MROH2B: variants seen among roughly 807,000 people sequenced by gnomAD.
MROH2B encodes the protein maestro heat-like repeat-containing protein family member 2B.
In MROH2B, 177 loss-of-function variants were observed where a neutral mutation model predicts 208.6. That is an observed-to-expected ratio of 0.85 (90% CI 0.75 to 0.96). MROH2B has a LOEUF of 0.96. Among genes scored for constraint, MROH2B ranks in the 40% least tolerant of loss-of-function variants. The probability of loss-of-function intolerance (pLI) is 0.00; values close to 1 mark genes in which losing one functional copy is unlikely to be tolerated. For synonymous variants in MROH2B, 728 were observed against 659.0 expected, an observed-to-expected ratio of 1.10 and a Z score of -1.60; for missense variants, 2,002 against 1,878.7, an observed-to-expected ratio of 1.07 and a Z score of -1.21.
At chr5:41,032,937 G>GT in intron 23 of MROH2B, 104 bp downstream of exon 23, 1 of 1,558,816 alleles carries the variant, frequency 6.4e-7, no homozygotes, top group Non-Finnish European at 8.7e-7. Flanking sequence ...GCAGAGATCT[G>GT]TTATGTGGGA....
chr5:41,047,730 C>G lies in MROH2B; in HGVS notation c.1719G>C (p.Met573Ile). 2 of 1,595,068 alleles carry G rather than the reference C, an allele frequency of 1.3e-6. No individual in the cohort carries two copies. Among genetic ancestry groups the G allele is most frequent in the Non-Finnish European group, 1.7e-6 (2 of 1,169,910 alleles). Residue 573 changes from methionine to isoleucine, a missense_variant, in exon 17 of 42, where the codon ATG becomes ATC. Physicochemically the swap from Met to Ile is conservative, Grantham distance 10. Coordinates refer to ENST00000399564, the MANE Select transcript of MROH2B (RefSeq NM_173489.5). The part of the protein sequence containing the change: ...KNISTVLWET[M>I]LLQLLKESLW... ...TAGAAGCCAGCCTTACCTGAAGCAG[C>G]ATGGTTTCCCATAGAACGGTACTGA...
In MROH2B at chr5:41,048,198, C is replaced by T. The variant is rs1036249655; in HGVS notation, c.1684+126G>A. On this transcript the variant is annotated intron_variant, in intron 16 of 41. Transcript: ENST00000399564. ...TAAGAAGAAAAAAATAGCTATCTACCTTGCATATCAAGTTCATCATTTTTA... is the reference window on the plus strand; with the variant it reads ...TAAGAAGAAAAAAATAGCTATCTACTTTGCATATCAAGTTCATCATTTTTA... 6.0e-6 allele frequency: 7 copies of T among 1,176,084 alleles called. No individual in the cohort carries two copies. In the African/African-American group the frequency reaches 1.1e-4, roughly 18 times the overall value. 72.9% of individuals were successfully genotyped at this position (1,176,084 alleles called of 1,614,324 possible). A position where few individuals can be genotyped will look rare whatever the true frequency, so the allele number is the denominator to read the frequency against.
intron 10 of MROH2B, among the ~76,000 whole-genome samples, chr5:41,055,118 A>AT (rs1743405892): frequency 6.6e-6 from 1 of 152,204 alleles, no homozygotes; most frequent in Non-Finnish European, 1.5e-5. Flanking sequence ...AGATCTAAAT[A>AT]TTGTGAGACT....
rs775719108 is a variant in MROH2B at position 41,061,666 on chromosome 5, G to A, written c.519C>T (p.Pro173=). ...YKYVNHWRDF[P]YPRLDANRLS... is the part of the protein sequence containing the mutation. ...GTCGGTTGGCATCCAGTCTGGGGTA[G>A]GGAAAATCTCTCCAGTGGTTGACAT... Residue 173 remains proline (P), a synonymous_variant, in exon 6 of 42, where the codon CCC becomes CCT. Transcript: ENST00000399564. The A allele has an allele frequency of 6.2e-7, 1 of 1,613,932 alleles. No individual in the cohort carries two copies. The highest frequency in any genetic ancestry group is 1.6e-4 in the Middle Eastern group (1 of 6,062).
At chr5:41,021,240 C>A (rs1262190272) in intron 24 of MROH2B, among the ~76,000 whole-genome samples, 1 of 152,010 alleles carries the variant, frequency 6.6e-6, no homozygotes, top group East Asian at 1.9e-4. Context: ...ATAAACTTAA[C>A]CAAGTGAAAC....
intron 29 of MROH2B, among the ~76,000 whole-genome samples, chr5:41,014,547 T>A (rs946046901): frequency 6.6e-6 from 1 of 152,118 alleles, no homozygotes; most frequent in Non-Finnish European, 1.5e-5. Flanking sequence ...GCAACAAACC[T>A]GCACGTTGTA....
At position 41,045,831 on chromosome 5, in the gene MROH2B, T is replaced by C; in HGVS notation, c.1751A>G (p.Lys584Arg). Reference sequence around the variant, plus strand: ...AATGGTCCAGGCCACATCACTGATCTTCCATAAGGATTCTTTGAGCAACTG... The same window carrying C: ...AATGGTCCAGGCCACATCACTGATCCTCCATAAGGATTCTTTGAGCAACTG... ...LLQLLKESLW[K>R]ISDVAWTIQL... The change falls in exon 18 of 42, where the codon AAG (lysine) becomes AGG (arginine). Residue 584 changes from lysine to arginine, a missense_variant. By Grantham distance (26) the Lys-to-Arg change is conservative. Transcript: ENST00000399564. 6.2e-7 allele frequency: 1 copy of C among 1,612,350 alleles called. No homozygotes were observed. The highest frequency in any genetic ancestry group is 8.5e-7 in the Non-Finnish European group (1 of 1,178,756).
chr5:41,007,921 C>A (rs912772184), intron 33 of MROH2B, among the ~76,000 whole-genome samples: 6 of 152,166 alleles, frequency 3.9e-5, no homozygotes, highest in African/African-American at 1.4e-4. Context: ...ATTATTGGAA[C>A]TATTACTTTT....
Position 41,005,306 on chromosome 5 carries a change from C to T in MROH2B, c.3864+225G>A, listed in dbSNP as rs113571722. 756 of 541,722 alleles carry T rather than the reference C, an allele frequency of 1.4e-3. 5 individuals carry two copies. The highest frequency in any genetic ancestry group is 7.0e-3 in the African/African-American group (371 of 53,260). 33.6% of individuals were successfully genotyped at this position (541,722 alleles called of 1,614,324 possible). On this transcript the variant is annotated intron_variant, in intron 35 of 41. Transcript: ENST00000399564. ...CAGATTTATTGTCCCCCTTTCTCTG[C>T]CTTCTGCAAACTAGAGGGCAGGAGG...
intron 17 of MROH2B, 133 bp from the exon 18 acceptor site, chr5:41,045,986 T>G (rs1401862887): frequency 2.1e-6 from 1 of 474,588 alleles, no homozygotes; most frequent in Non-Finnish European, 3.5e-6. Context: ...ATAAAATAAC[T>G]AATTCCTTCG....
Position 41,009,288 on chromosome 5 carries a change from C to T in MROH2B, c.3412G>A (p.Ala1138Thr). 6.2e-7 allele frequency: 1 copy of T among 1,613,842 alleles called. No individual in the cohort carries two copies. Among genetic ancestry groups the T allele is most frequent in the Non-Finnish European group, 8.5e-7 (1 of 1,179,794 alleles). The change falls in exon 32 of 42, where the codon GCA becomes ACA. Residue 1138 changes from alanine (A) to threonine (T), a missense_variant. Transcript: ENST00000399564. ...ELEDDIARVEAISVACAMYEV... is the reference protein window; with the variant it reads ...ELEDDIARVETISVACAMYEV... Reference sequence around the variant, plus strand: ...CAGGCTGTCCAACTCACTGAAATTGCCTCAACCCTGGCGATGTCATCTTCT... The same window carrying T: ...CAGGCTGTCCAACTCACTGAAATTGTCTCAACCCTGGCGATGTCATCTTCT...
Position 41,057,262 on chromosome 5 carries a change from T to A in MROH2B, c.849+6A>T. 6.2e-7 allele frequency: 1 copy of A among 1,605,022 alleles called. No homozygotes were observed. The highest frequency in any genetic ancestry group is 1.1e-5 in the South Asian group (1 of 89,572). On this transcript the variant is annotated splice_donor_region_variant and intron_variant, in intron 8 of 41. Transcript: ENST00000399564. ...AAAATTGGAGTTGACAGCATGGTCTTCTTACCTGCTGGAGTAAATTGATAA... is the reference window on the plus strand; with the variant it reads ...AAAATTGGAGTTGACAGCATGGTCTACTTACCTGCTGGAGTAAATTGATAA...
chr5:41,046,976 G>A (rs1412671071), intron 17 of MROH2B, among the ~76,000 whole-genome samples: 1 of 152,184 alleles, frequency 6.6e-6, no homozygotes, highest in African/African-American at 2.4e-5. Context: ...GAATCTGGAA[G>A]GGAGATAGGA....
intron 29 of MROH2B, among the ~76,000 whole-genome samples, 180 bp downstream of exon 29, chr5:41,015,201 C>G (rs1450659): frequency 0.082 from 12,425 of 152,264 alleles, 705 homozygotes; most frequent in Middle Eastern, 0.14. Flanking sequence ...TTCCCACTAT[C>G]TGAAATGATC....
intron 21 of MROH2B, among the ~76,000 whole-genome samples, chr5:41,036,783 A>T (rs1742773668): frequency 6.6e-6 from 1 of 152,130 alleles, no homozygotes; most frequent in African/African-American, 2.4e-5. Flanking sequence ...CCTGTATCTA[A>T]AAGTTGAAAA....
intron 35 of MROH2B, 119 bp from the exon 36 acceptor site, chr5:41,005,039 AG>A (rs1741532187): frequency 3.0e-6 from 4 of 1,353,014 alleles, no homozygotes; most frequent in Non-Finnish European, 3.9e-6. Context: ...GCAGCGGAGG[AG>A]GAAGCCCTCT....
At position 41,012,687 on chromosome 5, in the gene MROH2B, C is replaced by T; in HGVS notation, c.3031G>A (p.Glu1011Lys). The T allele has an allele frequency of 6.2e-7, 1 of 1,613,894 alleles. No individual in the cohort carries two copies. The highest frequency in any genetic ancestry group is 8.5e-7 in the Non-Finnish European group (1 of 1,179,794). ...PNEEILMFLE[E>K]MLDGLESLNP... is the part of the protein sequence containing the mutation. ...AGGCTCTCCAGACCGTCCAGCATTT[C>T]CTCTAGGAACATCAGAATTTCTTCA... The change falls in exon 30 of 42, where the codon GAA (glutamate) becomes AAA (lysine). Residue 1011 changes from glutamate (E) to lysine (K), a missense_variant. Glu to Lys is a moderately conservative substitution (Grantham distance 56, BLOSUM62 1). Coordinates refer to ENST00000399564, the MANE Select transcript of MROH2B (RefSeq NM_173489.5).
At chr5:41,027,245 A>G (rs890641269) in intron 24 of MROH2B, among the ~76,000 whole-genome samples, 2 of 152,220 alleles carry the variant, frequency 1.3e-5, no homozygotes, top group Non-Finnish European at 2.9e-5. Flanking sequence ...ATCAGAGTGA[A>G]CAGACAACCT....
chr5:40,998,630 T>C lies in MROH2B; in HGVS notation c.4633A>G (p.Arg1545Gly), dbSNP rs1195967073. 3.1e-5 allele frequency: 50 copies of C among 1,597,022 alleles called. No individual in the cohort carries two copies. The highest frequency in any genetic ancestry group is 4.3e-5 in the Non-Finnish European group (50 of 1,171,198). ...TACTCACGTGTGGTCAGTTGTTCTC[T>C]GTCTAGTAACTCCACATATTGGCTG... is the stretch of plus-strand genomic sequence containing the variant. The part of the protein sequence containing the change: ...LTSQYVELLD[R>G]EQLTTRLQAL... The change falls in exon 41 of 42, where the codon AGA becomes GGA. Residue 1545 changes from arginine to glycine, a missense_variant. By Grantham distance (125) the Arg-to-Gly change is moderately radical. Coordinates refer to ENST00000399564, the MANE Select transcript of MROH2B (RefSeq NM_173489.5).
Sources: allele counts gnomAD v4.1 joint callset (sites outside exome capture counted in the v4.1 genomes callset), GRCh38; gene constraint gnomAD v4.1.1; transcripts MANE v1.5; gene names NCBI Gene and HGNC (gene_info 2026-07-23, HGNC 2026-07-21).